The following INTS6L variants were observed in gnomAD, a reference collection of about 807,000 sequenced individuals.
The protein encoded by INTS6L is integrator complex subunit 6 like, also known as integrator complex subunit 6-like.
Under a neutral mutation model 64.7 loss-of-function variants are expected in INTS6L, and 18 were observed. That is an observed-to-expected ratio of 0.28 (90% CI 0.19 to 0.41). INTS6L has a LOEUF of 0.41. INTS6L is among the 10% of genes least tolerant of loss of function. INTS6L has a pLI of 1.00. For synonymous variants in INTS6L, 227 were observed against 235.9 expected (o/e 0.96, Z 0.34); for missense variants, 533 against 661.0 (o/e 0.81, Z 2.12).
At chrX:135,542,720 C>T (rs1031741333) in intron 2 of INTS6L, among the ~76,000 whole-genome samples, 1 of 111,354 alleles carries the variant, frequency 9.0e-6, no homozygotes. Flanking sequence ...AGCCCTTTAC[C>T]AAACCAAATA....
intron 11 of INTS6L, chrX:135,571,940 T>C (rs1394560564): frequency 8.9e-6 from 1 of 111,953 alleles, no homozygotes; most frequent in Non-Finnish European, 1.9e-5. Context: ...TTTTTAGTGA[T>C]AATAAACATA....
intron 9 of INTS6L, among the ~76,000 whole-genome samples, chrX:135,562,321 T>C (rs2086811936): frequency 8.9e-6 from 1 of 112,415 alleles, no homozygotes. Flanking sequence ...ATTATCTTTT[T>C]GTTACTAGTT....
chrX:135,568,612 C>T (rs945962761), intron 9 of INTS6L, among the ~76,000 whole-genome samples: 21 of 111,070 alleles, frequency 1.9e-4, no homozygotes, highest in African/African-American at 6.6e-4. Context: ...TGCAGTGGTA[C>T]GATCACAGCT....
intron 2 of INTS6L, among the ~76,000 whole-genome samples, chrX:135,535,136 T>C (rs953131048): frequency 9.0e-6 from 1 of 111,588 alleles, no homozygotes; most frequent in African/African-American, 3.3e-5. Flanking sequence ...GAAAAAGTTG[T>C]GTCAGGGTCA....
At chrX:135,527,053 A>C (rs2085758833) in intron 2 of INTS6L, among the ~76,000 whole-genome samples, 1 of 111,909 alleles carries the variant, frequency 8.9e-6, no homozygotes, top group Non-Finnish European at 1.9e-5. Context: ...TATATAGAAA[A>C]TACATGAATC....
At position 135,582,436 on chromosome X, in the gene INTS6L, A is replaced by G; in HGVS notation, c.*800A>G. On this transcript the variant is annotated 3_prime_UTR_variant, in exon 18 of 18. Coordinates refer to ENST00000639893, the MANE Select transcript of INTS6L (RefSeq NM_001351601.3). ...TATTGTTATGTTTGTATGAATTTGC[A>G]AAAATTAAAGTGTACAAAGAGATTT... 8.9e-6 allele frequency: 1 copy of G among 112,696 alleles called. No individual in the cohort carries two copies. Among genetic ancestry groups the G allele is most frequent in the Non-Finnish European group, 1.9e-5 (1 of 53,332 alleles). 9.3% of individuals were successfully genotyped at this position (112,696 alleles called of 1,213,427 possible). A position where few individuals can be genotyped will look rare whatever the true frequency, so the allele number is the denominator to read the frequency against.
intron 11 of INTS6L, 134 bp downstream of exon 11, chrX:135,570,680 A>G: frequency 5.5e-6 from 4 of 733,447 alleles, no homozygotes; most frequent in Non-Finnish European, 7.5e-6. Flanking sequence ...TAATAATGTG[A>G]TTCTCTATGG....
intron 9 of INTS6L, among the ~76,000 whole-genome samples, chrX:135,565,620 C>T (rs375169251): frequency 8.9e-6 from 1 of 111,865 alleles, no homozygotes; most frequent in Non-Finnish European, 1.9e-5. Context: ...GACTCCAACC[C>T]TGCCTAGAGC....
At position 135,534,028 on chromosome X, in the gene INTS6L, T is replaced by C. The variant is rs1392111886; in HGVS notation, c.190-11395T>C. Among the ~76,000 whole-genome samples the C allele has an allele frequency of 4.5e-5, 5 of 110,972 alleles. 1 individual carries two copies. The highest frequency in any genetic ancestry group is 9.4e-5 in the Non-Finnish European group (5 of 53,075). Reference sequence around the variant, plus strand: ...GGGAGGAGAAAAGCTTCTAAAATTATTGGTTTCTACGTGTTACTGTCCACT... The same window carrying C: ...GGGAGGAGAAAAGCTTCTAAAATTACTGGTTTCTACGTGTTACTGTCCACT... On this transcript the variant is annotated intron_variant, in intron 2 of 17. Transcript: ENST00000639893.
chrX:135,523,786 A>G (rs1228492317), intron 2 of INTS6L, among the ~76,000 whole-genome samples: 1 of 112,320 alleles, frequency 8.9e-6, no homozygotes, highest in Non-Finnish European at 1.9e-5. Context: ...ATTTCATCAG[A>G]TAGCTCTTTT....
At chrX:135,546,506 G>T in intron 4 of INTS6L, 37 bp downstream of exon 4, 3 of 1,059,224 alleles carry the variant, frequency 2.8e-6, no homozygotes, top group South Asian at 2.4e-5. Context: ...TGTTTAAATG[G>T]CAGGGAACAT....
At chrX:135,528,539 A>G (rs1556502601) in intron 2 of INTS6L, among the ~76,000 whole-genome samples, 1 of 111,321 alleles carries the variant, frequency 9.0e-6, no homozygotes, top group Non-Finnish European at 1.9e-5. Flanking sequence ...TAGATTGGCT[A>G]CATTTACACG....
Position 135,574,066 on chromosome X carries a change from A to T in INTS6L, c.1741+4A>T. 8.4e-7 allele frequency: 1 copy of T among 1,185,286 alleles called. No individual in the cohort carries two copies. Among genetic ancestry groups the T allele is most frequent in the Non-Finnish European group, 1.1e-6 (1 of 887,013 alleles). On this transcript the variant is annotated splice_donor_region_variant and intron_variant, in intron 13 of 17. Coordinates refer to ENST00000639893, the MANE Select transcript of INTS6L (RefSeq NM_001351601.3). ...TTTATTGTTGGACAAGATGAAGGTA[A>T]AATAACTGTGAAATACTTTTTTTTT...
At chrX:135,558,817 T>G (rs782309212) in intron 9 of INTS6L, among the ~76,000 whole-genome samples, 61 of 103,120 alleles carry the variant, frequency 5.9e-4, no homozygotes, top group African/African-American at 2.1e-3. Context: ...ACAGAGTGTC[T>G]CTCTGTCACC....
intron 2 of INTS6L, among the ~76,000 whole-genome samples, chrX:135,522,437 C>T: frequency 8.9e-6 from 1 of 112,325 alleles, no homozygotes; most frequent in Middle Eastern, 4.6e-3. Context: ...AGATAAAGAA[C>T]TGCTGCTTTG....
At chrX:135,545,396 A>C in intron 2 of INTS6L, 27 bp from the exon 3 acceptor site, 1 of 1,203,640 alleles carries the variant, frequency 8.3e-7, no homozygotes, top group Non-Finnish European at 1.1e-6. Flanking sequence ...ATAATCAAGA[A>C]ATTCTTTGTA....
chrX:135,526,521 G>C (rs1286661879), intron 2 of INTS6L, among the ~76,000 whole-genome samples: 1 of 111,663 alleles, frequency 9.0e-6, no homozygotes, highest in Non-Finnish European at 1.9e-5. Context: ...ACATTGGTTG[G>C]CCAGACATAC....
At chrX:135,546,917 A>C (rs1556515260) in intron 5 of INTS6L, 32 bp downstream of exon 5, 1 of 1,189,953 alleles carries the variant, frequency 8.4e-7, no homozygotes. Flanking sequence ...TCTGAAGGAA[A>C]AATTCAGAGC....
At chrX:135,575,901 T>C (rs1401628806) in intron 14 of INTS6L, among the ~76,000 whole-genome samples, 1 of 111,372 alleles carries the variant, frequency 9.0e-6, no homozygotes, top group Non-Finnish European at 1.9e-5. Flanking sequence ...CCATTGGTGT[T>C]AATTAAGGCT....
Sources: allele counts gnomAD v4.1 joint callset (sites outside exome capture counted in the v4.1 genomes callset), GRCh38; gene constraint gnomAD v4.1.1; transcripts MANE v1.5; gene names NCBI Gene and HGNC (gene_info 2026-07-23, HGNC 2026-07-21).